The following FRMD4A variants were observed in gnomAD, a reference collection of about 807,000 sequenced individuals.
FRMD4A encodes the protein FERM domain containing 4A, also known as FERM domain-containing protein 4A.
A neutral mutation model predicts 129.1 loss-of-function variants in FRMD4A; 29 were observed. The observed-to-expected ratio is 0.22, with a 90% CI of 0.17 to 0.31. The LOEUF is 0.31. FRMD4A is among the 10% of genes least tolerant of loss of function. The pLI is 1.00. For synonymous variants in FRMD4A, 634 were observed against 571.6 expected, an observed-to-expected ratio of 1.11 and a Z score of -1.56; for missense variants, 1,272 against 1,375.8, an observed-to-expected ratio of 0.92 and a Z score of 1.19.
chr10:13,979,517 A>C (rs1326122672), intron 2 of FRMD4A, among the ~76,000 whole-genome samples: 2 of 152,256 alleles, frequency 1.3e-5, no homozygotes, highest in Admixed American at 6.5e-5. Flanking sequence ...GCAGCAAGTC[A>C]GTGTCTCTTT....
chr10:13,844,784 C>G (rs1055110849), intron 3 of FRMD4A, among the ~76,000 whole-genome samples: 1 of 152,218 alleles, frequency 6.6e-6, no homozygotes, highest in African/African-American at 2.4e-5. Flanking sequence ...TCTTCTGAGT[C>G]TCGCACAGTT....
intron 1 of FRMD4A, 67 bp from the exon 2 acceptor site, chr10:14,330,250 T>TTCA: frequency 1.4e-6 from 1 of 732,614 alleles, no homozygotes; most frequent in South Asian, 1.6e-5. Flanking sequence ...TAGGCCACCT[T>TTCA]TCACACAGGG....
At chr10:14,272,471 A>G (rs1392413580) in intron 2 of FRMD4A, among the ~76,000 whole-genome samples, 2 of 152,224 alleles carry the variant, frequency 1.3e-5, no homozygotes, top group Non-Finnish European at 2.9e-5. Flanking sequence ...AATGGAGGTC[A>G]AAGTCATCTG....
At chr10:14,079,922 G>A (rs1835828971) in intron 2 of FRMD4A, among the ~76,000 whole-genome samples, 1 of 152,184 alleles carries the variant, frequency 6.6e-6, no homozygotes, top group South Asian at 2.1e-4. Context: ...GCAAGGGGTG[G>A]GGAGGGTGAG....
intron 2 of FRMD4A, among the ~76,000 whole-genome samples, chr10:14,066,008 T>TTTTGTGTGTGTG (rs372195558): frequency 2.2e-5 from 3 of 139,224 alleles, no homozygotes; most frequent in Non-Finnish European, 1.5e-5. Flanking sequence ...GGGTATGTAT[T>TTTTGTGTGTGTG]TGTGTGTGTG....
At chr10:13,970,070 A>AC (rs1554995139) in intron 2 of FRMD4A, among the ~76,000 whole-genome samples, 1 of 151,854 alleles carries the variant, frequency 6.6e-6, no homozygotes, top group Non-Finnish European at 1.5e-5. Context: ...CAGCTGGGGG[A>AC]TTTTTTTTCC....
At chr10:13,894,160 C>T (rs957101982) in intron 2 of FRMD4A, among the ~76,000 whole-genome samples, 4 of 152,154 alleles carry the variant, frequency 2.6e-5, no homozygotes, top group African/African-American at 7.2e-5. Flanking sequence ...AACTGCTGGG[C>T]GCCAGGCATA....
At chr10:13,796,008 C>T (rs2093109180) in intron 5 of FRMD4A, among the ~76,000 whole-genome samples, 1 of 152,164 alleles carries the variant, frequency 6.6e-6, no homozygotes, top group Admixed American at 6.5e-5. Context: ...GCTGTATCCT[C>T]CCTTGGCAGG....
At chr10:13,912,972 T>C (rs1158870450) in intron 2 of FRMD4A, among the ~76,000 whole-genome samples, 2 of 150,622 alleles carry the variant, frequency 1.3e-5, no homozygotes, top group Non-Finnish European at 3.0e-5. Context: ...ACTCCGGAGG[T>C]TGAGGCAGGA....
At chr10:14,319,157 G>T (rs1332552163) in intron 2 of FRMD4A, among the ~76,000 whole-genome samples, 1 of 152,116 alleles carries the variant, frequency 6.6e-6, no homozygotes, top group Non-Finnish European at 1.5e-5. Flanking sequence ...ACCAGTTGTT[G>T]AATCACCCCA....
rs1006347393 is a variant in FRMD4A, at chr10:13,645,719, T to C, written c.*1319A>G. ...GACACACGAGTCAAATCTTTCTACC[T>C]AAGGGCATAGTTGGGTTCTTGGAAT... is the stretch of plus-strand genomic sequence containing the variant. On this transcript the variant is annotated 3_prime_UTR_variant, in exon 25 of 25. Coordinates refer to ENST00000357447, the MANE Select transcript of FRMD4A (RefSeq NM_018027.5). 6.6e-6 allele frequency: 1 copy of C among 152,560 alleles called. No individual in the cohort carries two copies. Among genetic ancestry groups the C allele is most frequent in the Non-Finnish European group, 1.5e-5 (1 of 68,040 alleles). 9.5% of individuals were successfully genotyped at this position (152,560 alleles called of 1,614,324 possible). A position where few individuals can be genotyped will look rare whatever the true frequency, so the allele number is the denominator to read the frequency against.
chr10:13,796,784 GA>G (rs2093128572), intron 4 of FRMD4A, among the ~76,000 whole-genome samples, 196 bp from the exon 5 acceptor site: 1 of 152,078 alleles, frequency 6.6e-6, no homozygotes, highest in Admixed American at 6.6e-5. Context: ...GCAGTGGCAT[GA>G]TCTTGGCTCA....
intron 2 of FRMD4A, among the ~76,000 whole-genome samples, chr10:14,107,127 C>T (rs1468836129): frequency 1.3e-5 from 2 of 152,086 alleles, no homozygotes; most frequent in South Asian, 4.1e-4. Flanking sequence ...CATGTTCTCA[C>T]TTCTAAGTGG....
chr10:13,724,973 C>T (rs2089779704), intron 12 of FRMD4A, among the ~76,000 whole-genome samples: 1 of 152,208 alleles, frequency 6.6e-6, no homozygotes, highest in African/African-American at 2.4e-5. Context: ...CCACGGGAGT[C>T]AAAGACAGAC....
At chr10:14,200,158 G>A (rs534051562) in intron 2 of FRMD4A, among the ~76,000 whole-genome samples, 1 of 150,452 alleles carries the variant, frequency 6.6e-6, no homozygotes. Flanking sequence ...TTCCCGCAGT[G>A]TTGGGATTAC....
At chr10:13,776,917 C>G (rs2092609331) in intron 6 of FRMD4A, among the ~76,000 whole-genome samples, 1 of 152,204 alleles carries the variant, frequency 6.6e-6, no homozygotes, top group South Asian at 2.1e-4. Context: ...GAGAAAAAAA[C>G]TCGGGTCTAA....
chr10:13,654,112 TGAAATGCTGTCTG>T, intron 23 of FRMD4A: 1 of 522,290 alleles, frequency 1.9e-6, no homozygotes, highest in Non-Finnish European at 3.3e-6. Context: ...CAAACCGAAA[TGAAATGCTGTCTG>T]GAAATCTTAC....
rs1344014829 is a variant in FRMD4A at position 13,705,925 on chromosome 10, C to G, written c.836+1112G>C. 2.0e-5 allele frequency among the ~76,000 whole-genome samples: 3 copies of G among 152,218 alleles called. No individual in the cohort carries two copies. The South Asian group carries it at 6.2e-4, about 32-fold the overall frequency. On this transcript the variant is annotated intron_variant, in intron 13 of 24. Coordinates refer to ENST00000357447, the MANE Select transcript of FRMD4A (RefSeq NM_018027.5). ...GTTTCAGGCAGATTACCCTGGAGGG[C>G]AAGCACGGCTTCATTCCTACCGGGT... is the stretch of plus-strand genomic sequence containing the variant.
intron 2 of FRMD4A, among the ~76,000 whole-genome samples, chr10:14,304,015 C>T (rs761684096): frequency 6.6e-6 from 1 of 152,160 alleles, no homozygotes; most frequent in African/African-American, 2.4e-5. Flanking sequence ...ATACAGCATA[C>T]CTTTTTCATC....
Sources: allele counts gnomAD v4.1 joint callset (sites outside exome capture counted in the v4.1 genomes callset), GRCh38; gene constraint gnomAD v4.1.1; transcripts MANE v1.5; gene names NCBI Gene and HGNC (gene_info 2026-07-23, HGNC 2026-07-21).